RBFOX1: variants seen among roughly 807,000 people sequenced by gnomAD.
The protein encoded by RBFOX1 is RNA binding protein fox-1 homolog 1.
RBFOX1 carries 8 observed loss-of-function variants against 57.7 expected under a neutral mutation model. The observed-to-expected ratio is 0.14, with a 90% CI of 0.08 to 0.25. The LOEUF is 0.25. Ranked by LOEUF, RBFOX1 falls within the 10% of genes least tolerant of loss-of-function variation. The pLI, the probability that RBFOX1 is intolerant of heterozygous loss-of-function variation, is 1.00. For synonymous variants in RBFOX1, 326 were observed against 222.4 expected (o/e 1.47, Z -4.15); for missense variants, 611 against 548.5 (o/e 1.11, Z -1.14).
Position 7,257,918 on chromosome 16 carries a change from G to T in RBFOX1, c.27+205820G>T, listed in dbSNP as rs151249642. 3.4e-3 allele frequency among the ~76,000 whole-genome samples: 519 copies of T among 152,218 alleles called. 1 individual carries two copies. The highest frequency in any genetic ancestry group is 5.3e-3 in the Non-Finnish European group (359 of 68,018). On this transcript the variant is annotated intron_variant, in intron 4 of 15. Transcript: ENST00000550418. ...TTGGTTTCAAGGAGATTCCATCTTC[G>T]TATCTCCTGCTTTCAAGGGAGGAAA...
intron 9 of RBFOX1, among the ~76,000 whole-genome samples, chr16:7,599,670 G>A (rs1204655486): frequency 8.9e-6 from 1 of 112,204 alleles, no homozygotes; most frequent in East Asian, 2.7e-4. Context: ...TTTTGAGACA[G>A]GGTCTCACTT....
At chr16:5,525,181 C>T (rs56747335) in intron 2 of RBFOX1, among the ~76,000 whole-genome samples, 2 of 151,978 alleles carry the variant, frequency 1.3e-5, no homozygotes, top group Non-Finnish European at 2.9e-5. Flanking sequence ...TTGTCAGGGA[C>T]AGCTGTCAGG....
intron 1 of RBFOX1, among the ~76,000 whole-genome samples, chr16:6,170,393 C>T (rs935436989): frequency 6.6e-6 from 1 of 152,164 alleles, no homozygotes; most frequent in Non-Finnish European, 1.5e-5. Flanking sequence ...CTGCAGTAAA[C>T]AGCTGCTGAA....
chr16:6,659,811 C>G (rs1033505583), intron 3 of RBFOX1, among the ~76,000 whole-genome samples: 2 of 152,116 alleles, frequency 1.3e-5, no homozygotes, highest in Non-Finnish European at 2.9e-5. Context: ...TGTCTTCTGG[C>G]TTTGAGGGTG....
chr16:6,896,999 G>C (rs1432526325), intron 3 of RBFOX1, among the ~76,000 whole-genome samples: 1 of 152,204 alleles, frequency 6.6e-6, no homozygotes, highest in East Asian at 1.9e-4. Flanking sequence ...GCTAACAGCA[G>C]CAGGGGACGC....
chr16:5,499,989 C>G (rs1436690799), intron 2 of RBFOX1, among the ~76,000 whole-genome samples: 1 of 152,178 alleles, frequency 6.6e-6, no homozygotes, highest in Non-Finnish European at 1.5e-5. Context: ...TTCACTCTTT[C>G]TCTCTTCCTT....
chr16:7,485,248 A>C (rs1054303976), intron 4 of RBFOX1, among the ~76,000 whole-genome samples: 2 of 152,168 alleles, frequency 1.3e-5, no homozygotes, highest in African/African-American at 4.8e-5. Flanking sequence ...GCATGCACAC[A>C]CAGCTGCACC....
chr16:7,129,578 A>G (rs150907961), intron 4 of RBFOX1, among the ~76,000 whole-genome samples: 6 of 152,192 alleles, frequency 3.9e-5, no homozygotes, highest in Non-Finnish European at 7.4e-5. Flanking sequence ...GGGGAAAAAA[A>G]TTGAGGAATT....
At chr16:6,125,429 G>A (rs1000806602) in intron 1 of RBFOX1, among the ~76,000 whole-genome samples, 12 of 152,144 alleles carry the variant, frequency 7.9e-5, no homozygotes, top group African/African-American at 2.7e-4. Flanking sequence ...TTGTTTGTCT[G>A]CTTTGGGTAC....
intron 3 of RBFOX1, among the ~76,000 whole-genome samples, chr16:5,607,386 C>G (rs547093677): frequency 6.7e-6 from 1 of 148,738 alleles, no homozygotes; most frequent in Non-Finnish European, 1.5e-5. Flanking sequence ...GCACTCTTGA[C>G]CTCAGGCACA....
intron 3 of RBFOX1, among the ~76,000 whole-genome samples, chr16:6,777,138 T>C (rs987267081): frequency 2.0e-5 from 3 of 151,824 alleles, no homozygotes; most frequent in Non-Finnish European, 4.4e-5. Context: ...TTGTATGCGA[T>C]GTGCTACACA....
At chr16:5,284,043 C>A (rs974689994) in intron 1 of RBFOX1, among the ~76,000 whole-genome samples, 1 of 152,260 alleles carries the variant, frequency 6.6e-6, no homozygotes, top group South Asian at 2.1e-4. Context: ...CTTTCCCATG[C>A]TGTTCTCATG....
intron 3 of RBFOX1, among the ~76,000 whole-genome samples, chr16:5,714,291 C>T (rs577649897): frequency 6.6e-6 from 1 of 152,172 alleles, no homozygotes; most frequent in African/African-American, 2.4e-5. Flanking sequence ...TGATAATGTT[C>T]TGATTCTGAG....
chr16:6,893,864 G>C (rs140074431), intron 3 of RBFOX1, among the ~76,000 whole-genome samples: 2 of 152,058 alleles, frequency 1.3e-5, no homozygotes, highest in East Asian at 3.9e-4. Flanking sequence ...AATTGTATGG[G>C]GAATAGTTTA....
At chr16:5,689,051 T>G (rs1478761589) in intron 3 of RBFOX1, among the ~76,000 whole-genome samples, 1 of 152,222 alleles carries the variant, frequency 6.6e-6, no homozygotes, top group Non-Finnish European at 1.5e-5. Context: ...ACATCTTGTG[T>G]CACTTACCTA....
chr16:6,070,728 C>T (rs1432824483), intron 1 of RBFOX1, among the ~76,000 whole-genome samples: 1 of 152,034 alleles, frequency 6.6e-6, no homozygotes, highest in African/African-American at 2.4e-5. Flanking sequence ...GACCCTTTAT[C>T]ATTGCAATTC....
intron 2 of RBFOX1, among the ~76,000 whole-genome samples, chr16:5,511,333 T>C (rs911657262): frequency 2.6e-5 from 4 of 152,302 alleles, no homozygotes; most frequent in Admixed American, 2.6e-4. Context: ...GGAGCTGAGG[T>C]TACTGGTCTT....
intron 4 of RBFOX1, among the ~76,000 whole-genome samples, chr16:7,221,323 T>A (rs2092708917): frequency 6.7e-6 from 1 of 149,546 alleles, no homozygotes; most frequent in African/African-American, 2.4e-5. Context: ...TTTTGACTTG[T>A]TTATTCTTTA....
intron 3 of RBFOX1, among the ~76,000 whole-genome samples, chr16:5,626,790 C>G (rs1310239985): frequency 1.3e-5 from 2 of 152,098 alleles, no homozygotes; most frequent in African/African-American, 4.8e-5. Context: ...AAAAAAAGCT[C>G]AACTCTCTTG....
Sources: allele counts gnomAD v4.1 joint callset (sites outside exome capture counted in the v4.1 genomes callset), GRCh38; gene constraint gnomAD v4.1.1; transcripts MANE v1.5; gene names NCBI Gene and HGNC (gene_info 2026-07-23, HGNC 2026-07-21).